Variants in CLOCK observed in about 807,000 individuals in gnomAD.
CLOCK encodes the protein circadian locomoter output cycles protein kaput.
A neutral mutation model predicts 118.4 loss-of-function variants in CLOCK; 43 were observed. That is an observed-to-expected ratio of 0.36 (90% CI 0.28 to 0.47). The LOEUF (loss-of-function observed/expected upper bound fraction) is 0.47, where lower values mean the gene tolerates loss of function less well. CLOCK is among the 20% of genes least tolerant of loss of function. The pLI is 1.00. For synonymous variants in CLOCK, 326 were observed against 339.2 expected (o/e 0.96, Z 0.43); for missense variants, 846 against 999.9 (o/e 0.85, Z 2.08).
chr4:55,513,333 C>G (rs1401222281), intron 1 of CLOCK, among the ~76,000 whole-genome samples: 1 of 152,098 alleles, frequency 6.6e-6, no homozygotes, highest in Admixed American at 6.5e-5. Flanking sequence ...AGGTGCAGAG[C>G]AGGCTATACA....
At chr4:55,438,840 A>C (rs1475491867) in intron 21 of CLOCK, among the ~76,000 whole-genome samples, 2 of 152,230 alleles carry the variant, frequency 1.3e-5, no homozygotes, top group Non-Finnish European at 2.9e-5. Context: ...CTTGAAATGG[A>C]CCAAAGACCA....
intron 7 of CLOCK, among the ~76,000 whole-genome samples, chr4:55,474,080 G>A (rs548327063): frequency 3.3e-5 from 5 of 152,274 alleles, no homozygotes; most frequent in African/African-American, 7.2e-5. Flanking sequence ...AAGGCATGTC[G>A]AAAACTGAGA....
In CLOCK at chr4:55,435,274, C is replaced by G; in HGVS notation, c.*141G>C. ...TAGCACTAGGCAGCATTTTCTCTGC[C>G]AACTAATTCCAGGAACTAGAACACT... On this transcript the variant is annotated 3_prime_UTR_variant, in exon 23 of 23. Transcript: ENST00000513440. 5.0e-6 allele frequency: 5 copies of G among 991,812 alleles called. No homozygotes were observed. The South Asian group carries it at 5.9e-5, about 12-fold the overall frequency. 61.4% of individuals were successfully genotyped at this position (991,812 alleles called of 1,614,324 possible). A position where few individuals can be genotyped will look rare whatever the true frequency, so the allele number is the denominator to read the frequency against.
chr4:55,511,421 A>G (rs552917035), intron 1 of CLOCK, among the ~76,000 whole-genome samples: 1 of 152,336 alleles, frequency 6.6e-6, no homozygotes, highest in South Asian at 2.1e-4. Flanking sequence ...CTGCTCAAAT[A>G]TCAACAAAAA....
intron 8 of CLOCK, among the ~76,000 whole-genome samples, chr4:55,464,949 C>T (rs989939115): frequency 6.6e-6 from 1 of 152,152 alleles, no homozygotes; most frequent in Non-Finnish European, 1.5e-5. Context: ...ATGACCTTCC[C>T]CCCTCTCTAC....
At chr4:55,500,081 T>C (rs1728338023) in intron 2 of CLOCK, among the ~76,000 whole-genome samples, 1 of 152,198 alleles carries the variant, frequency 6.6e-6, no homozygotes, top group Non-Finnish European at 1.5e-5. Flanking sequence ...GAATTTTCTT[T>C]GTCCTATGAC....
intron 2 of CLOCK, among the ~76,000 whole-genome samples, chr4:55,497,025 T>A (rs1365170942): frequency 5.3e-5 from 8 of 152,330 alleles, no homozygotes; most frequent in African/African-American, 1.9e-4. Context: ...CTATGGCCTC[T>A]ATAAAAATTA....
At chr4:55,541,879 G>A (rs1303265295) in intron 1 of CLOCK, among the ~76,000 whole-genome samples, 1 of 149,844 alleles carries the variant, frequency 6.7e-6, no homozygotes, top group Non-Finnish European at 1.5e-5. Flanking sequence ...TAAGATCTAA[G>A]TTTCCTTTCT....
chr4:55,452,552 A>G (rs190522885), intron 15 of CLOCK: 3 of 156,922 alleles, frequency 1.9e-5, no homozygotes, highest in Non-Finnish European at 4.2e-5. Flanking sequence ...GTTGTTTTAT[A>G]TCACTAAATT....
chr4:55,528,033 CA>C (rs11361087), intron 1 of CLOCK, among the ~76,000 whole-genome samples: 44,775 of 138,060 alleles, frequency 0.32, 7,132 homozygotes, highest in East Asian at 0.6. Context: ...CCCTGTCTCT[CA>C]AAAAAAAAAA....
intron 1 of CLOCK, among the ~76,000 whole-genome samples, chr4:55,538,837 G>A (rs1731070687): frequency 6.6e-6 from 1 of 152,184 alleles, no homozygotes; most frequent in Non-Finnish European, 1.5e-5. Flanking sequence ...AATAAGACTG[G>A]TAGCTGACTT....
At chr4:55,454,130 C>T (rs932723393) in intron 13 of CLOCK, among the ~76,000 whole-genome samples, 8 of 152,086 alleles carry the variant, frequency 5.3e-5, no homozygotes, top group Admixed American at 3.3e-4. Flanking sequence ...AGGGTAATAA[C>T]AATAAATAAT....
At chr4:55,495,050 T>C (rs1250940172) in intron 2 of CLOCK, among the ~76,000 whole-genome samples, 1 of 152,188 alleles carries the variant, frequency 6.6e-6, no homozygotes, top group Non-Finnish European at 1.5e-5. Context: ...CCTTTCAGTA[T>C]TTACAGCAAC....
chr4:55,446,300 T>C (rs896184774), intron 18 of CLOCK, among the ~76,000 whole-genome samples: 1 of 151,860 alleles, frequency 6.6e-6, no homozygotes, highest in African/African-American at 2.4e-5. Flanking sequence ...TGTTGCCTAG[T>C]CTGTTGTAGA....
At chr4:55,466,228 T>C (rs1725730662) in intron 8 of CLOCK, among the ~76,000 whole-genome samples, 2 of 152,076 alleles carry the variant, frequency 1.3e-5, no homozygotes. Flanking sequence ...TCTGATGGTT[T>C]TGTAAGGGGC....
At chr4:55,523,053 T>C (rs1729943250) in intron 1 of CLOCK, among the ~76,000 whole-genome samples, 1 of 152,042 alleles carries the variant, frequency 6.6e-6, no homozygotes, top group Non-Finnish European at 1.5e-5. Flanking sequence ...CCCAGCACTT[T>C]GGGAGATGGA....
chr4:55,525,200 C>G (rs1417884358), intron 1 of CLOCK, among the ~76,000 whole-genome samples: 1 of 152,168 alleles, frequency 6.6e-6, no homozygotes, highest in African/African-American at 2.4e-5. Flanking sequence ...TGGCTGTGCA[C>G]AGTGGTTCAT....
At chr4:55,486,420 AT>A (rs1172760913) in intron 3 of CLOCK, 1 of 152,178 alleles carries the variant, frequency 6.6e-6, no homozygotes, top group African/African-American at 2.4e-5. Flanking sequence ...TCTTGTGATC[AT>A]TATTCATCAT....
Position 55,444,777 on chromosome 4 carries a change from A to C in CLOCK, c.1548T>G (p.Phe516Leu). The change falls in exon 19 of 23, where the codon TTT becomes TTG. Residue 516 changes from phenylalanine to leucine, a missense_variant. Phe to Leu is a conservative substitution (Grantham distance 22). This residue lies in a region of CLOCK where 520 missense variants were observed against 558.0 expected (regional missense o/e 0.93). Transcript: ENST00000513440. ...PIPQGMSQFQ[F>L]SAQLGAMQHL... ...GTTGCATGGCTCCTAATTGAGCTGA[A>C]AACTGAAACTGAAGTACCATGTACG... 1 of 1,613,988 alleles carries C rather than the reference A, an allele frequency of 6.2e-7. No homozygotes were observed. The highest frequency in any genetic ancestry group is 8.5e-7 in the Non-Finnish European group (1 of 1,179,972).
Sources: gnomAD v4.1 joint callset for allele counts (sites outside exome capture counted in the v4.1 genomes callset) on GRCh38, gnomAD v4.1.1 for gene constraint, gnomAD v4.1.1 regional missense constraint, MANE v1.5 for transcripts, NCBI Gene and HGNC (gene_info 2026-07-23, HGNC 2026-07-21) for gene names.